The following BANP variants were observed in gnomAD, a reference collection of about 807,000 sequenced individuals.
BANP encodes BTG3 associated nuclear protein.
In BANP, 11 loss-of-function variants were observed where a neutral mutation model predicts 68.1. The ratio of observed to expected loss-of-function variants is 0.16; its 90% CI spans 0.10 to 0.27. The LOEUF (loss-of-function observed/expected upper bound fraction) is 0.27. Among genes scored for constraint, BANP ranks in the 10% least tolerant of loss-of-function variants. BANP has a pLI of 1.00. For synonymous variants in BANP, 329 were observed against 303.2 expected, an observed-to-expected ratio of 1.09 and a Z score of -0.88; for missense variants, 504 against 722.7, an observed-to-expected ratio of 0.70 and a Z score of 3.47.
intron 6 of BANP, among the ~76,000 whole-genome samples, chr16:88,015,834 C>T (rs1237487194): frequency 6.6e-6 from 1 of 152,254 alleles, no homozygotes; most frequent in Admixed American, 6.5e-5. Flanking sequence ...CCGGTGCTGC[C>T]AGGAGGCCTG....
intron 4 of BANP, among the ~76,000 whole-genome samples, chr16:87,999,035 C>T (rs1330585777): frequency 5.1e-5 from 7 of 136,908 alleles, no homozygotes; most frequent in East Asian, 2.4e-4. Flanking sequence ...CGCACGTGTG[C>T]GGCTGTACTT....
chr16:87,949,391 A>G (rs1045637284), upstream of BANP: 1 of 152,242 alleles, frequency 6.6e-6, no homozygotes, highest in Non-Finnish European at 1.5e-5. Context: ...AGGTGGAGAC[A>G]AAAGGCGTGC....
At chr16:88,061,469 C>G (rs146875698) in intron 11 of BANP, among the ~76,000 whole-genome samples, 100 of 152,334 alleles carry the variant, frequency 6.6e-4, no homozygotes, top group Non-Finnish European at 1.3e-3. Context: ...TGACCATCCA[C>G]TAATGGGTGA....
At chr16:88,055,026 T>C (rs147781107) in intron 11 of BANP, among the ~76,000 whole-genome samples, 187 of 152,342 alleles carry the variant, frequency 1.2e-3, no homozygotes, top group African/African-American at 4.0e-3. Flanking sequence ...CAAGGCTTGA[T>C]TATTAATCAT....
At chr16:87,991,890 C>A (rs577726676) in intron 4 of BANP, among the ~76,000 whole-genome samples, 1 of 152,236 alleles carries the variant, frequency 6.6e-6, no homozygotes, top group South Asian at 2.1e-4. Flanking sequence ...TGGCCATGAT[C>A]TTTATTTCAG....
At chr16:87,955,709 CCT>C (rs1262065028) in intron 1 of BANP, among the ~76,000 whole-genome samples, 3 of 152,092 alleles carry the variant, frequency 2.0e-5, no homozygotes, top group African/African-American at 7.2e-5. Context: ...AAAACTGTAG[CCT>C]CTCGGTGGAA....
chr16:87,995,826 G>A (rs1327682151), intron 4 of BANP, among the ~76,000 whole-genome samples: 5 of 152,382 alleles, frequency 3.3e-5, no homozygotes, highest in African/African-American at 7.2e-5. Flanking sequence ...GCTCGGCGGG[G>A]CGCCAAGGGG....
At chr16:88,034,764 C>G (rs2078946712) in intron 9 of BANP, among the ~76,000 whole-genome samples, 1 of 152,144 alleles carries the variant, frequency 6.6e-6, no homozygotes, top group South Asian at 2.1e-4. Flanking sequence ...TTCCTGGGAC[C>G]TATTGCTCCT....
intron 11 of BANP, among the ~76,000 whole-genome samples, chr16:88,051,797 A>G (rs2083319729): frequency 6.6e-6 from 1 of 152,248 alleles, no homozygotes; most frequent in Non-Finnish European, 1.5e-5. Flanking sequence ...ATGCATCATT[A>G]AATAGTAATT....
At chr16:88,043,117 C>T (rs945606000) in intron 11 of BANP, among the ~76,000 whole-genome samples, 6 of 152,118 alleles carry the variant, frequency 3.9e-5, no homozygotes, top group African/African-American at 1.2e-4. Context: ...TGTGTGTGGA[C>T]CTGTGCTGCC....
chr16:88,025,543 C>T (rs577752311), intron 7 of BANP, among the ~76,000 whole-genome samples: 2 of 152,336 alleles, frequency 1.3e-5, no homozygotes, highest in Non-Finnish European at 2.9e-5. Flanking sequence ...TCTTCCCTCT[C>T]ATCCTACAAA....
At chr16:87,987,150 C>T (rs1480019884) in intron 4 of BANP, among the ~76,000 whole-genome samples, 1 of 152,158 alleles carries the variant, frequency 6.6e-6, no homozygotes, top group African/African-American at 2.4e-5. Flanking sequence ...GCGATCTTGG[C>T]TCACTGCAAC....
At chr16:87,975,349 C>T in intron 2 of BANP, 164 bp downstream of exon 2, 1 of 705,586 alleles carries the variant, frequency 1.4e-6, no homozygotes, top group South Asian at 1.7e-5. Context: ...CCCCTCCCTT[C>T]CCTCGCCCCT....
intron 11 of BANP, among the ~76,000 whole-genome samples, chr16:88,047,275 C>T (rs1012512000): frequency 6.6e-5 from 10 of 152,082 alleles, no homozygotes; most frequent in African/African-American, 2.4e-4. Flanking sequence ...TAAGATACCA[C>T]CAGGGTGGGG....
chr16:88,043,355 G>A (rs1055694354), intron 11 of BANP, among the ~76,000 whole-genome samples: 13 of 152,308 alleles, frequency 8.5e-5, no homozygotes, highest in African/African-American at 3.1e-4. Flanking sequence ...TCTTCATTGA[G>A]AGTGGAGTTG....
Position 88,018,119 on chromosome 16 carries a change from T to G in BANP, c.656-309T>G, listed in dbSNP as rs1483132877. On this transcript the variant is annotated intron_variant, in intron 6 of 13. Transcript: ENST00000682872. The surrounding 1 kb of genome is among the most constrained non-coding windows in gnomAD (Gnocchi z 7.7). Reference sequence around the variant, plus strand: ...CTGTGTGCAAGGATATCGGTATTGCTGGGGTCCCGGGTCCAGGGTGAGCAG... The same window carrying G: ...CTGTGTGCAAGGATATCGGTATTGCGGGGGTCCCGGGTCCAGGGTGAGCAG... 6.6e-6 allele frequency among the ~76,000 whole-genome samples: 1 copy of G among 151,906 alleles called. No individual in the cohort carries two copies. Among genetic ancestry groups the G allele is most frequent in the Non-Finnish European group, 1.5e-5 (1 of 67,986 alleles).
At chr16:87,961,224 G>A (rs1361564420) in intron 1 of BANP, among the ~76,000 whole-genome samples, 1 of 152,236 alleles carries the variant, frequency 6.6e-6, no homozygotes, top group Admixed American at 6.5e-5. Context: ...CTTGTTGCGT[G>A]TTGGTGTGGT....
chr16:88,006,950 A>G (rs1282604406), intron 6 of BANP, among the ~76,000 whole-genome samples: 11 of 68,642 alleles, frequency 1.6e-4, no homozygotes, highest in African/African-American at 4.7e-4. Context: ...TCTGTCTCAA[A>G]AAAAAAAAAA....
intron 6 of BANP, among the ~76,000 whole-genome samples, chr16:88,007,935 A>C (rs117622177): frequency 6.6e-6 from 1 of 151,962 alleles, no homozygotes; most frequent in Admixed American, 6.6e-5. Context: ...TGTTTTTAGT[A>C]TATTCTCAAG....
Sources: allele counts gnomAD v4.1 joint callset (sites outside exome capture counted in the v4.1 genomes callset), GRCh38; gene constraint gnomAD v4.1.1; non-coding constraint Gnocchi (gnomAD v3.1); transcripts MANE v1.5; gene names NCBI Gene and HGNC (gene_info 2026-07-23, HGNC 2026-07-21).